The following KAZN variants were observed in gnomAD, a reference collection of about 807,000 sequenced individuals.
KAZN encodes kazrin.
KAZN carries 40 observed loss-of-function variants against 87.4 expected under a neutral mutation model. That is an observed-to-expected ratio of 0.46 (90% CI 0.36 to 0.60). The LOEUF (loss-of-function observed/expected upper bound fraction) is 0.60, where lower values mean the gene tolerates loss of function less well. Among genes scored for constraint, KAZN ranks in the 20% least tolerant of loss-of-function variants. The pLI is 0.00. For synonymous variants in KAZN, 466 were observed against 458.3 expected, an observed-to-expected ratio of 1.02 and a Z score of -0.22; for missense variants, 898 against 1,073.9, an observed-to-expected ratio of 0.84 and a Z score of 2.29.
chr1:14,492,980 C>G (rs1345973454), intron 2 of KAZN, among the ~76,000 whole-genome samples: 1 of 151,868 alleles, frequency 6.6e-6, no homozygotes, highest in Non-Finnish European at 1.5e-5. Context: ...CTCCTCAGTG[C>G]CTTTGCCCTG....
intron 1 of KAZN, among the ~76,000 whole-genome samples, chr1:14,029,796 G>A (rs971217323): frequency 4.0e-5 from 6 of 151,860 alleles, no homozygotes; most frequent in Admixed American, 6.6e-5. Context: ...GATATGTGGC[G>A]TTATTTCTGA....
chr1:14,030,083 G>A (rs1031904839), intron 1 of KAZN, among the ~76,000 whole-genome samples: 85 of 151,696 alleles, frequency 5.6e-4, no homozygotes, highest in Non-Finnish European at 8.8e-4. Flanking sequence ...CCATTTTCAC[G>A]ATATTGATTC....
chr1:15,051,806 T>C (rs953395031), intron 4 of KAZN, among the ~76,000 whole-genome samples: 1 of 152,226 alleles, frequency 6.6e-6, no homozygotes, highest in African/African-American at 2.4e-5. Context: ...ACATGGTCCC[T>C]CTTGTTTTCA....
At chr1:14,539,791 A>AT (rs1672704172) in intron 2 of KAZN, among the ~76,000 whole-genome samples, 1 of 151,996 alleles carries the variant, frequency 6.6e-6, no homozygotes, top group African/African-American at 2.4e-5. Flanking sequence ...ATTAGTGCCT[A>AT]TTTGCCATCA....
chr1:14,842,060 G>A (rs187661426), intron 1 of KAZN, among the ~76,000 whole-genome samples: 1 of 152,240 alleles, frequency 6.6e-6, no homozygotes, highest in African/African-American at 2.4e-5. Flanking sequence ...TCCAACCACA[G>A]CACTTCTTGT....
intron 4 of KAZN, 111 bp downstream of exon 4, chr1:15,044,270 G>GGGGGGGGGGGGGCC: frequency 4.8e-6 from 2 of 413,318 alleles, no homozygotes; most frequent in Non-Finnish European, 8.4e-6. Context: ...GGTGGGTGGG[G>GGGGGGGGGGGGGCC]CAGAGCAGAA....
At chr1:14,544,233 A>AT (rs954141618) in intron 2 of KAZN, among the ~76,000 whole-genome samples, 63 of 149,742 alleles carry the variant, frequency 4.2e-4, no homozygotes, top group African/African-American at 1.4e-3. Flanking sequence ...GAGTTGGGGG[A>AT]TTTTTTTTTC....
chr1:14,664,195 G>C (rs1292294178), intron 1 of KAZN, among the ~76,000 whole-genome samples: 1 of 152,246 alleles, frequency 6.6e-6, no homozygotes, highest in Non-Finnish European at 1.5e-5. Flanking sequence ...CACCTTGGGA[G>C]GCCGAGGTGG....
At chr1:14,172,664 G>T (rs1213891153) in intron 1 of KAZN, among the ~76,000 whole-genome samples, 1 of 152,228 alleles carries the variant, frequency 6.6e-6, no homozygotes, top group African/African-American at 2.4e-5. Context: ...GCACAGGGAG[G>T]AGCTCAGCTA....
In KAZN at chr1:15,066,281, C is replaced by T. The variant is rs957685263; in HGVS notation, c.1222+528C>T. ...GCTTGTAAATGTCCCTCGTCCAAAC[C>T]GCTACTCCTGGAGCCCGTCTGGCAG... On this transcript the variant is annotated intron_variant, in intron 8 of 14. Coordinates refer to ENST00000376030, the MANE Select transcript of KAZN (RefSeq NM_201628.3). This position sits in a 1 kb window ranked among gnomAD's most constrained non-coding sequence, Gnocchi z 4.3. 25 of 985,596 alleles carry T rather than the reference C, an allele frequency of 2.5e-5. No individual in the cohort carries two copies. The highest frequency in any genetic ancestry group is 3.0e-5 in the Non-Finnish European group (25 of 830,208). The allele number at this position is 985,596 out of a possible 1,614,324, so 61.1% of individuals were successfully genotyped here.
intron 2 of KAZN, among the ~76,000 whole-genome samples, chr1:14,182,763 GCTT>G (rs928525614): frequency 3.9e-5 from 6 of 152,248 alleles, no homozygotes; most frequent in African/African-American, 9.6e-5. Flanking sequence ...CTTTAACACT[GCTT>G]CTTCTCTCAA....
At chr1:14,600,302 G>C (rs907083142) in intron 1 of KAZN, among the ~76,000 whole-genome samples, 2 of 152,162 alleles carry the variant, frequency 1.3e-5, no homozygotes, top group African/African-American at 2.4e-5. Flanking sequence ...TTCTGGTTCT[G>C]TTGTCATTTC....
At chr1:14,017,553 G>GT (rs1640627114) in intron 1 of KAZN, among the ~76,000 whole-genome samples, 1 of 152,202 alleles carries the variant, frequency 6.6e-6, no homozygotes, top group Admixed American at 6.5e-5. Flanking sequence ...AGGGCATCAC[G>GT]TAAGAGGTGA....
At position 15,066,057 on chromosome 1, in the gene KAZN, A is replaced by G; in HGVS notation, c.1222+304A>G. 1 of 1,213,034 alleles carries G rather than the reference A, an allele frequency of 8.2e-7. No individual in the cohort carries two copies. The highest frequency in any genetic ancestry group is 1.0e-6 in the Non-Finnish European group (1 of 975,348). 75.1% of individuals were successfully genotyped at this position (1,213,034 alleles called of 1,614,324 possible). A position where few individuals can be genotyped will look rare whatever the true frequency, so the allele number is the denominator to read the frequency against. On this transcript the variant is annotated intron_variant, in intron 8 of 14. Transcript: ENST00000376030. This position sits in a 1 kb window ranked among gnomAD's most constrained non-coding sequence, Gnocchi z 4.3. Reference sequence around the variant, plus strand: ...CCTGTCAACTCTCTGTCGTCTTTGGAGCGATACAGTTGTGTTGTTAATCTG... The same window carrying G: ...CCTGTCAACTCTCTGTCGTCTTTGGGGCGATACAGTTGTGTTGTTAATCTG...
chr1:14,119,430 A>T (rs562308711), intron 1 of KAZN, among the ~76,000 whole-genome samples: 1 of 152,226 alleles, frequency 6.6e-6, no homozygotes, highest in African/African-American at 2.4e-5. Flanking sequence ...GCAGCTGCTC[A>T]GGTGTGCCTG....
chr1:14,197,291 GTGCCTGCCATAA>G (rs2100389228), intron 2 of KAZN, among the ~76,000 whole-genome samples: 2 of 150,740 alleles, frequency 1.3e-5, no homozygotes, highest in South Asian at 4.2e-4. Flanking sequence ...AGATAAGACA[GTGCCTGCCATAA>G]TGCTCTTGCA....
chr1:14,963,085 G>A (rs993714979), intron 2 of KAZN, among the ~76,000 whole-genome samples: 14 of 152,146 alleles, frequency 9.2e-5, no homozygotes, highest in African/African-American at 3.1e-4. Flanking sequence ...CCTCCCTTTA[G>A]CCCACAAGGC....
At chr1:14,262,626 A>G (rs1298373389) in intron 2 of KAZN, among the ~76,000 whole-genome samples, 2 of 151,650 alleles carry the variant, frequency 1.3e-5, no homozygotes, top group Non-Finnish European at 2.9e-5. Flanking sequence ...TACTGGAAGG[A>G]CCCCCATGAT....
At chr1:13,948,674 T>C (rs908889368) in intron 1 of KAZN, among the ~76,000 whole-genome samples, 10 of 152,228 alleles carry the variant, frequency 6.6e-5, no homozygotes, top group Admixed American at 1.3e-4. Context: ...CAAGACCTCT[T>C]TGTGGCCATG....
Sources: allele counts gnomAD v4.1 joint callset (sites outside exome capture counted in the v4.1 genomes callset), GRCh38; gene constraint gnomAD v4.1.1; non-coding constraint Gnocchi (gnomAD v3.1); transcripts MANE v1.5; gene names NCBI Gene and HGNC (gene_info 2026-07-23, HGNC 2026-07-21).